The following CRACD variants were observed in gnomAD, a reference collection of about 807,000 sequenced individuals.
The protein encoded by CRACD is capping protein inhibiting regulator of actin dynamics.
CRACD carries 56 observed loss-of-function variants against 106.8 expected under a neutral mutation model. The observed-to-expected ratio is 0.52, with a 90% confidence interval of 0.42 to 0.66. The LOEUF is 0.66. Ranked by LOEUF, CRACD falls within the 30% of genes least tolerant of loss-of-function variation. The probability of loss-of-function intolerance (pLI) is 0.00; values close to 1 mark genes in which losing one functional copy is unlikely to be tolerated. For synonymous variants in CRACD, 754 were observed against 670.8 expected (o/e 1.12, Z -1.92); for missense variants, 1,730 against 1,623.2 (o/e 1.07, Z -1.13).
At chr4:56,140,881 A>T (rs1735171363) in intron 1 of CRACD, among the ~76,000 whole-genome samples, 1 of 152,178 alleles carries the variant, frequency 6.6e-6, no homozygotes, top group Admixed American at 6.5e-5. Context: ...GTATATCCCA[A>T]CTCTTGGCTT....
chr4:56,204,951 G>T (rs1738049850), intron 2 of CRACD, among the ~76,000 whole-genome samples: 1 of 150,716 alleles, frequency 6.6e-6, no homozygotes, highest in Non-Finnish European at 1.5e-5. Flanking sequence ...TTTGCACTGA[G>T]TTCGGGACCA....
Position 56,179,844 on chromosome 4 carries a change from C to A in CRACD, c.-189+414C>A, listed in dbSNP as rs551498215. Among the ~76,000 whole-genome samples, 5 of 151,856 alleles carry A rather than the reference C, an allele frequency of 3.3e-5. No individual in the cohort carries two copies. In the South Asian group the frequency reaches 6.2e-4, roughly 19 times the overall value. On this transcript the variant is annotated intron_variant, in intron 2 of 10. Transcript: ENST00000682029. Reference sequence around the variant, plus strand: ...ACCAGGCTGGCTGACATGCTGAAACCCATCTCTACTAAAAATACAAAAGTC... The same window carrying A: ...ACCAGGCTGGCTGACATGCTGAAACACATCTCTACTAAAAATACAAAAGTC...
intron 1 of CRACD, among the ~76,000 whole-genome samples, chr4:56,166,630 C>T (rs2109910791): frequency 7.3e-6 from 1 of 137,316 alleles, no homozygotes. Context: ...CAGTGAGCCA[C>T]ACCACTGCAC....
At chr4:56,091,247 T>C (rs1733414968) in intron 1 of CRACD, among the ~76,000 whole-genome samples, 1 of 152,044 alleles carries the variant, frequency 6.6e-6, no homozygotes, top group Non-Finnish European at 1.5e-5. Flanking sequence ...ATAGAGACAC[T>C]ATCTTTTCCA....
intron 3 of CRACD, among the ~76,000 whole-genome samples, chr4:56,279,822 G>C (rs574618514): frequency 3.3e-5 from 5 of 151,964 alleles, no homozygotes; most frequent in Non-Finnish European, 7.4e-5. Flanking sequence ...TAAATCATGC[G>C]GCTCTAAAGA....
chr4:56,271,955 G>A (rs1742375737), intron 2 of CRACD, among the ~76,000 whole-genome samples: 1 of 152,162 alleles, frequency 6.6e-6, no homozygotes. Context: ...TGTTGCCCAG[G>A]CTGGTCTCAA....
intron 2 of CRACD, among the ~76,000 whole-genome samples, chr4:56,229,059 A>G (rs1283917211): frequency 6.6e-6 from 1 of 152,220 alleles, no homozygotes; most frequent in African/African-American, 2.4e-5. Context: ...AATTGCAATG[A>G]TATTATAACA....
chr4:56,248,496 T>G (rs1740834077), intron 2 of CRACD, among the ~76,000 whole-genome samples: 1 of 146,290 alleles, frequency 6.8e-6, no homozygotes, highest in Non-Finnish European at 1.5e-5. Flanking sequence ...CTCAATGCAT[T>G]ATTTTTTTTT....
intron 1 of CRACD, among the ~76,000 whole-genome samples, chr4:56,057,799 ATTTTT>A (rs754198915): frequency 4.6e-5 from 2 of 43,480 alleles, no homozygotes; most frequent in African/African-American, 2.3e-4. Flanking sequence ...CATTTTTTGT[ATTTTT>A]TTTTTTTTTG....
intron 1 of CRACD, among the ~76,000 whole-genome samples, chr4:56,159,020 G>A (rs1735855826): frequency 6.6e-6 from 1 of 152,210 alleles, no homozygotes; most frequent in Admixed American, 6.5e-5. Flanking sequence ...TCCCATGCCA[G>A]AGTGGTTGCA....
At chr4:56,132,698 T>C (rs549095251) in intron 1 of CRACD, among the ~76,000 whole-genome samples, 5 of 152,242 alleles carry the variant, frequency 3.3e-5, no homozygotes, top group African/African-American at 1.2e-4. Context: ...TCTGTATAAA[T>C]TGACCATACT....
At chr4:56,216,806 C>G (rs984302286) in intron 2 of CRACD, among the ~76,000 whole-genome samples, 1 of 150,504 alleles carries the variant, frequency 6.6e-6, no homozygotes, top group Non-Finnish European at 1.5e-5. Context: ...AGGTGAAACC[C>G]CGTCTCTACT....
intron 1 of CRACD, among the ~76,000 whole-genome samples, chr4:56,053,489 C>T (rs746735359): frequency 3.9e-5 from 6 of 152,056 alleles, no homozygotes; most frequent in Non-Finnish European, 8.8e-5. Flanking sequence ...CAAATAGATG[C>T]TTTTATATAA....
chr4:56,315,887 C>T lies in CRACD; in HGVS notation c.2385C>T (p.Leu795=), dbSNP rs757540931. The change falls in exon 8 of 11, where the codon CTC becomes CTT. Residue 795 remains leucine (L), a synonymous_variant. Coordinates refer to ENST00000682029, the MANE Select transcript of CRACD (RefSeq NM_001393381.1). The surrounding 1 kb of genome is among the most constrained non-coding windows in gnomAD (Gnocchi z 4.1). ...AGGGATGCAAATTTGCCAAAGACCT[C>T]CCGTCTTTCCTTGTCCCAAGCCTTC... ...TTEGCKFAKD[L]PSFLVPSLPY... is the part of the protein sequence containing the mutation. The T allele has an allele frequency of 9.3e-6, 15 of 1,614,090 alleles. No individual in the cohort carries two copies. The highest frequency in any genetic ancestry group is 1.3e-5 in the African/African-American group (1 of 74,940).
intron 2 of CRACD, among the ~76,000 whole-genome samples, chr4:56,215,388 G>A (rs891652215): frequency 5.9e-5 from 9 of 152,104 alleles, no homozygotes; most frequent in African/African-American, 2.2e-4. Flanking sequence ...ATCATTTCCT[G>A]GAGGCCACAC....
intron 2 of CRACD, among the ~76,000 whole-genome samples, chr4:56,233,257 G>A (rs1223779952): frequency 6.6e-6 from 1 of 151,956 alleles, no homozygotes; most frequent in African/African-American, 2.4e-5. Context: ...AGTATCTTTG[G>A]AAGGGCAGAT....
intron 2 of CRACD, among the ~76,000 whole-genome samples, chr4:56,266,522 G>C (rs11737075): frequency 0.26 from 39,812 of 152,150 alleles, 5,379 homozygotes; most frequent in Non-Finnish European, 0.27. Context: ...ATCTTAAATA[G>C]TACAGTGTTG....
At chr4:56,060,212 G>A (rs1732224661) in intron 1 of CRACD, among the ~76,000 whole-genome samples, 1 of 151,508 alleles carries the variant, frequency 6.6e-6, no homozygotes, top group African/African-American at 2.4e-5. Flanking sequence ...CGTGTCCCCT[G>A]TTTCCTTCTC....
In CRACD at chr4:56,315,246, C is replaced by T; in HGVS notation, c.1744C>T (p.Gln582Ter). 1.2e-6 allele frequency: 2 copies of T among 1,603,582 alleles called. No homozygotes were observed. Among genetic ancestry groups the T allele is most frequent in the Non-Finnish European group, 1.7e-6 (2 of 1,175,308 alleles). The change falls in exon 8 of 11, where the codon CAG becomes TAG. Residue 582 changes from glutamine (Q) to a stop codon, truncating the protein, a stop_gained. Coordinates refer to ENST00000682029, the MANE Select transcript of CRACD (RefSeq NM_001393381.1). LOFTEE classifies it high-confidence loss of function. This position sits in a 1 kb window ranked among gnomAD's most constrained non-coding sequence, Gnocchi z 4.1. ...AAAGGCCCCCAAAGCCAGCCCAGTC[C>T]AGCACGCCCTACCGTCGTCCCTGAG... ...EPKAPKASPV[Q>*]HALPSSLSVP...
Sources: allele counts gnomAD v4.1 joint callset (sites outside exome capture counted in the v4.1 genomes callset), GRCh38; gene constraint gnomAD v4.1.1; non-coding constraint Gnocchi (gnomAD v3.1); transcripts MANE v1.5; gene names NCBI Gene and HGNC (gene_info 2026-07-23, HGNC 2026-07-21).